The following CATSPERB variants were observed in gnomAD, a reference collection of about 807,000 sequenced individuals.
CATSPERB encodes catsper channel auxiliary subunit beta, also known as cation channel sperm-associated auxiliary subunit beta.
A neutral mutation model predicts 128.3 loss-of-function variants in CATSPERB; 93 were observed. That is an observed-to-expected ratio of 0.72 (90% CI 0.61 to 0.86). CATSPERB has a LOEUF of 0.86. Among genes scored for constraint, CATSPERB ranks in the 40% least tolerant of loss-of-function variants. The pLI is 0.00. For missense variants in CATSPERB, 1,153 were observed against 1,329.5 expected (o/e 0.87, Z 2.06); for synonymous variants, 381 against 448.8 (o/e 0.85, Z 1.91).
intron 22 of CATSPERB, 74 bp from the exon 23 acceptor site, chr14:91,592,076 T>A: frequency 1.1e-6 from 1 of 888,638 alleles, no homozygotes; most frequent in Non-Finnish European, 1.9e-6. Flanking sequence ...AAATATCTAA[T>A]AAATATTTAT....
At chr14:91,684,233 C>T (rs754569519) in intron 10 of CATSPERB, among the ~76,000 whole-genome samples, 15 of 152,162 alleles carry the variant, frequency 9.9e-5, no homozygotes, top group Non-Finnish European at 1.8e-4. Context: ...CTACCAGAAG[C>T]CATTAGTCTT....
chr14:91,596,637 A>C lies in CATSPERB; in HGVS notation c.2710-4635T>G, dbSNP rs1893511051. Among the ~76,000 whole-genome samples the C allele has an allele frequency of 2.0e-5, 3 of 152,224 alleles. No homozygotes were observed. The South Asian group carries it at 6.2e-4, about 32-fold the overall frequency. On this transcript the variant is annotated intron_variant, in intron 22 of 26. Transcript: ENST00000256343. ...AAATTTGTTACCTCTGTGGCACAGG[A>C]TAATTTTAACATAACAATTATGATT...
rs373243024 is a variant in CATSPERB, at chr14:91,708,143, C to T, written c.464G>A (p.Arg155Gln). The change falls in exon 6 of 27, where the codon CGA (arginine) becomes CAA (glutamine). Residue 155 changes from arginine (R) to glutamine (Q), a missense_variant and splice_region_variant. Transcript: ENST00000256343. The stretch of plus-strand genomic sequence containing the variant: ...TACTTCTGTCTGTTGGCATTTACCT[C>T]GAATAACATCCAATAGAGTTCCTTC... ...ATEGTLLDVI[R>Q]EPILQWTPGD... is the part of the protein sequence containing the mutation. 1.7e-5 allele frequency: 27 copies of T among 1,601,562 alleles called. No individual in the cohort carries two copies. Among genetic ancestry groups the T allele is most frequent in the African/African-American group, 8.0e-5 (6 of 74,558 alleles).
At chr14:91,701,067 G>C (rs1895639005) in intron 7 of CATSPERB, among the ~76,000 whole-genome samples, 1 of 152,166 alleles carries the variant, frequency 6.6e-6, no homozygotes. Context: ...CTTGAAGCTA[G>C]GTACTGCATG....
At chr14:91,690,459 T>C (rs1256473378) in intron 10 of CATSPERB, among the ~76,000 whole-genome samples, 2 of 152,224 alleles carry the variant, frequency 1.3e-5, no homozygotes, top group African/African-American at 2.4e-5. Context: ...TCACTGTTTC[T>C]GGCATCCTAC....
chr14:91,595,908 G>T (rs947168517), intron 22 of CATSPERB, among the ~76,000 whole-genome samples: 5 of 152,170 alleles, frequency 3.3e-5, no homozygotes, highest in African/African-American at 9.7e-5. Flanking sequence ...TTTGTTCACA[G>T]GGGTATACTT....
intron 18 of CATSPERB, among the ~76,000 whole-genome samples, chr14:91,624,269 C>A (rs945021741): frequency 6.6e-6 from 1 of 152,172 alleles, no homozygotes; most frequent in African/African-American, 2.4e-5. Context: ...ATTGCCTGAG[C>A]TCAGGAGTTC....
intron 11 of CATSPERB, 52 bp from the exon 12 acceptor site, chr14:91,674,274 AAACTGG>A (rs747265165): frequency 1.2e-5 from 13 of 1,123,090 alleles, no homozygotes; most frequent in Middle Eastern, 4.0e-4. Flanking sequence ...TGTATTTCTA[AAACTGG>A]AAGGGTTAGT....
intron 7 of CATSPERB, among the ~76,000 whole-genome samples, chr14:91,694,237 G>A (rs1895519646): frequency 6.6e-6 from 1 of 152,000 alleles, no homozygotes; most frequent in Non-Finnish European, 1.5e-5. Flanking sequence ...TTGAGCCCAG[G>A]AGTTTGAGAC....
At chr14:91,670,349 G>A (rs1343103482) in intron 13 of CATSPERB, among the ~76,000 whole-genome samples, 2 of 152,080 alleles carry the variant, frequency 1.3e-5, no homozygotes, top group African/African-American at 2.4e-5. Flanking sequence ...TATTTTAAAT[G>A]GGATCAGAAT....
intron 17 of CATSPERB, among the ~76,000 whole-genome samples, chr14:91,628,078 T>C (rs1396953201): frequency 6.6e-6 from 1 of 152,232 alleles, no homozygotes; most frequent in Non-Finnish European, 1.5e-5. Context: ...GTTTTTCTTG[T>C]GCTTGTTTTT....
chr14:91,692,260 C>A (rs923476887), intron 9 of CATSPERB, among the ~76,000 whole-genome samples: 47 of 151,870 alleles, frequency 3.1e-4, no homozygotes, highest in African/African-American at 9.9e-4. Context: ...ACACCCTCAA[C>A]CTATTATTTT....
chr14:91,657,428 T>A (rs1894806378), intron 15 of CATSPERB, among the ~76,000 whole-genome samples: 1 of 151,898 alleles, frequency 6.6e-6, no homozygotes, highest in African/African-American at 2.4e-5. Flanking sequence ...AAAAGAAAAC[T>A]TTGAGGAAAC....
intron 7 of CATSPERB, among the ~76,000 whole-genome samples, chr14:91,694,263 G>A (rs1895519982): frequency 6.6e-6 from 1 of 151,754 alleles, no homozygotes; most frequent in Non-Finnish European, 1.5e-5. Flanking sequence ...TGGGCAACAT[G>A]GTATAACCCT....
intron 22 of CATSPERB, among the ~76,000 whole-genome samples, chr14:91,603,980 GTCTC>G (rs2139770855): frequency 2.2e-5 from 2 of 92,410 alleles, no homozygotes; most frequent in Admixed American, 2.1e-4. Context: ...TTTTTTTTTT[GTCTC>G]TCTCTCCCTC....
chr14:91,695,124 T>C (rs992356677), intron 7 of CATSPERB, among the ~76,000 whole-genome samples: 1 of 144,110 alleles, frequency 6.9e-6, no homozygotes, highest in Admixed American at 7.2e-5. Flanking sequence ...CAGATAATGG[T>C]GGGAATTTTT....
At chr14:91,726,753 G>C (rs1896126514) in intron 2 of CATSPERB, among the ~76,000 whole-genome samples, 1 of 152,222 alleles carries the variant, frequency 6.6e-6, no homozygotes, top group South Asian at 2.1e-4. Flanking sequence ...AGAGCCCAGA[G>C]ATCAAGGGTC....
At chr14:91,635,806 C>T (rs953051028) in intron 17 of CATSPERB, 1 of 152,178 alleles carries the variant, frequency 6.6e-6, no homozygotes, top group Non-Finnish European at 1.5e-5. Context: ...ATGTGTTGGT[C>T]TCTAGGATAT....
At chr14:91,680,865 C>A (rs1895268501) in intron 11 of CATSPERB, among the ~76,000 whole-genome samples, 1 of 152,172 alleles carries the variant, frequency 6.6e-6, no homozygotes, top group Admixed American at 6.5e-5. Flanking sequence ...AAAACTTAAT[C>A]CCCAGCCATG....
Sources: allele counts gnomAD v4.1 joint callset (sites outside exome capture counted in the v4.1 genomes callset), GRCh38; gene constraint gnomAD v4.1.1; transcripts MANE v1.5; gene names NCBI Gene and HGNC (gene_info 2026-07-23, HGNC 2026-07-21).